Variants in PARD3 observed in about 807,000 individuals in gnomAD.
PARD3 encodes the protein partitioning defective 3 homolog.
PARD3 carries 75 observed loss-of-function variants against 155.4 expected under a neutral mutation model. The observed-to-expected ratio is 0.48, with a 90% CI of 0.40 to 0.58. PARD3 has a LOEUF of 0.58. Ranked by LOEUF, PARD3 falls within the 20% of genes least tolerant of loss-of-function variation. PARD3 has a pLI of 0.00. For missense variants in PARD3, 1,642 were observed against 1,721.7 expected (o/e 0.95, Z 0.82); for synonymous variants, 576 against 610.5 (o/e 0.94, Z 0.83).
intron 1 of PARD3, among the ~76,000 whole-genome samples, chr10:34,782,818 C>A (rs1840415438): frequency 6.6e-6 from 1 of 151,974 alleles, no homozygotes; most frequent in African/African-American, 2.4e-5. Context: ...CCTCTGCCTC[C>A]CGGGTTCCAG....
At chr10:34,750,062 C>T (rs929180302) in intron 1 of PARD3, among the ~76,000 whole-genome samples, 1 of 127,230 alleles carries the variant, frequency 7.9e-6, no homozygotes, top group South Asian at 3.0e-4. Context: ...CACACACACA[C>T]ACACACACAA....
At chr10:34,725,129 G>A (rs1463878540) in intron 1 of PARD3, among the ~76,000 whole-genome samples, 2 of 125,674 alleles carry the variant, frequency 1.6e-5, no homozygotes, top group East Asian at 5.2e-4. Context: ...GTGTGTGTGT[G>A]TGTGTGTGTG....
chr10:34,772,842 G>C (rs2134106770), intron 1 of PARD3, among the ~76,000 whole-genome samples: 1 of 147,598 alleles, frequency 6.8e-6, no homozygotes, highest in East Asian at 2.0e-4. Context: ...TCTATAGCTT[G>C]TATTCTCAAC....
intron 19 of PARD3, among the ~76,000 whole-genome samples, chr10:34,327,277 C>T (rs929132043): frequency 1.3e-5 from 2 of 152,126 alleles, no homozygotes; most frequent in African/African-American, 2.4e-5. Context: ...CATCTTGATC[C>T]AGACAGACGC....
chr10:34,149,616 G>A (rs981760211), intron 22 of PARD3, among the ~76,000 whole-genome samples: 1 of 152,048 alleles, frequency 6.6e-6, no homozygotes, highest in Non-Finnish European at 1.5e-5. Context: ...TGCCAGAGAA[G>A]GTGTTGCTAC....
chr10:34,237,407 ATTC>A (rs1953301201), intron 22 of PARD3, among the ~76,000 whole-genome samples: 1 of 152,208 alleles, frequency 6.6e-6, no homozygotes, highest in South Asian at 2.1e-4. Context: ...AAACACAACT[ATTC>A]TTATTTATTT....
chr10:34,647,435 C>A, intron 2 of PARD3, among the ~76,000 whole-genome samples: 1 of 152,270 alleles, frequency 6.6e-6, no homozygotes, highest in Non-Finnish European at 1.5e-5. Flanking sequence ...TAAGACTCCA[C>A]AAATTTAAAG....
chr10:34,240,440 T>C (rs982687668), intron 22 of PARD3, among the ~76,000 whole-genome samples: 1 of 152,212 alleles, frequency 6.6e-6, no homozygotes, highest in Non-Finnish European at 1.5e-5. Context: ...CAAAAAAGTA[T>C]CACTTTCATA....
chr10:34,130,878 T>C (rs141215593), intron 23 of PARD3, among the ~76,000 whole-genome samples: 9 of 152,228 alleles, frequency 5.9e-5, no homozygotes, highest in East Asian at 3.9e-4. Flanking sequence ...CTGGCCAACA[T>C]AGTGAGACTC....
At chr10:34,654,895 C>T (rs894594370) in intron 2 of PARD3, among the ~76,000 whole-genome samples, 2 of 152,082 alleles carry the variant, frequency 1.3e-5, no homozygotes, top group African/African-American at 4.8e-5. Context: ...TACCAGCTTT[C>T]CCCATCTACA....
chr10:34,697,651 A>C (rs1161590041), intron 1 of PARD3, among the ~76,000 whole-genome samples: 1 of 152,190 alleles, frequency 6.6e-6, no homozygotes, highest in Non-Finnish European at 1.5e-5. Flanking sequence ...AAAGTTATTA[A>C]ACATTACCGT....
At chr10:34,342,627 G>GC (rs1836954488) in intron 15 of PARD3, among the ~76,000 whole-genome samples, 1 of 152,148 alleles carries the variant, frequency 6.6e-6, no homozygotes, top group African/African-American at 2.4e-5. Flanking sequence ...GATCTGAGTG[G>GC]CCAGAGGTTT....
intron 22 of PARD3, among the ~76,000 whole-genome samples, chr10:34,197,796 C>T (rs1215672725): frequency 2.6e-5 from 4 of 152,298 alleles, no homozygotes; most frequent in Admixed American, 1.3e-4. Context: ...GTGGTGCGAT[C>T]GCAGCTCACT....
chr10:34,685,732 G>A (rs577622178), intron 2 of PARD3, among the ~76,000 whole-genome samples: 84 of 151,942 alleles, frequency 5.5e-4, no homozygotes, highest in African/African-American at 1.9e-3. Flanking sequence ...TAACTGGGAC[G>A]ACAGGCGCGC....
At chr10:34,187,116 T>C (rs1393479364) in intron 22 of PARD3, among the ~76,000 whole-genome samples, 1 of 152,184 alleles carries the variant, frequency 6.6e-6, no homozygotes, top group Non-Finnish European at 1.5e-5. Flanking sequence ...AAGTCTTGGG[T>C]CCAAGTTTTG....
intron 23 of PARD3, among the ~76,000 whole-genome samples, chr10:34,120,183 ATTT>A (rs57670906): frequency 1.3e-4 from 15 of 113,662 alleles, no homozygotes; most frequent in Non-Finnish European, 1.2e-4. Context: ...TGCCTGGCTA[ATTT>A]TTTTTTTTTT....
At chr10:34,559,050 A>C (rs7068275) in intron 2 of PARD3, among the ~76,000 whole-genome samples, 79,710 of 151,028 alleles carry the variant, frequency 0.53, 24,269 homozygotes, top group African/African-American at 0.86. Context: ...TTTCCCCCCC[A>C]CAGAATTAGC....
intron 18 of PARD3, 94 bp from the exon 19 acceptor site, chr10:34,331,438 T>C: frequency 1.4e-6 from 1 of 700,838 alleles, no homozygotes; most frequent in Non-Finnish European, 2.5e-6. Flanking sequence ...ACATAACAAT[T>C]ATTTGCTCAA....
At chr10:34,289,686 C>T (rs1016795592) in intron 20 of PARD3, among the ~76,000 whole-genome samples, 3 of 152,174 alleles carry the variant, frequency 2.0e-5, no homozygotes, top group African/African-American at 7.2e-5. Flanking sequence ...CTGTCTTATT[C>T]AGAGCAGAAT....
Sources: gnomAD v4.1 joint callset for allele counts (sites outside exome capture counted in the v4.1 genomes callset) on GRCh38, gnomAD v4.1.1 for gene constraint, MANE v1.5 for transcripts, NCBI Gene and HGNC (gene_info 2026-07-23, HGNC 2026-07-21) for gene names.